Variants in GPHN observed in about 807,000 individuals in gnomAD.
GPHN encodes gephyrin.
In GPHN, 17 loss-of-function variants were observed where a neutral mutation model predicts 95.5. That is an observed-to-expected ratio of 0.18 (90% CI 0.12 to 0.27). The LOEUF (loss-of-function observed/expected upper bound fraction) is 0.27. Ranked by LOEUF, GPHN falls within the 10% of genes least tolerant of loss-of-function variation. The pLI, the probability that GPHN is intolerant of heterozygous loss-of-function variation, is 1.00. For synonymous variants in GPHN, 320 were observed against 322.5 expected, an observed-to-expected ratio of 0.99 and a Z score of 0.08; for missense variants, 660 against 978.1, an observed-to-expected ratio of 0.67 and a Z score of 4.34.
the GPHN span, among the ~76,000 whole-genome samples, chr14:67,264,244 G>T: frequency 6.6e-6 from 1 of 152,124 alleles, no homozygotes; most frequent in African/African-American, 2.4e-5. Context: ...GATGACAGTG[G>T]TATTTAAATT....
the GPHN span, among the ~76,000 whole-genome samples, chr14:67,625,729 GA>G: frequency 4.6e-5 from 5 of 109,196 alleles, no homozygotes; most frequent in African/African-American, 2.0e-4. Context: ...TCAATGTAAT[GA>G]AAAACCAAAA....
chr14:67,338,858 T>C, the GPHN span: 7 of 1,082,036 alleles, frequency 6.5e-6, no homozygotes, highest in African/African-American at 9.6e-5. Flanking sequence ...AATAAACACA[T>C]ACCTAGAAAA....
the GPHN span, among the ~76,000 whole-genome samples, chr14:67,600,576 G>A: frequency 1.5e-4 from 23 of 152,306 alleles, no homozygotes; most frequent in African/African-American, 5.5e-4. Context: ...TCTAGCCTGT[G>A]CGAGAGAGCA....
At chr14:66,745,001 G>A (rs1227791353) in intron 2 of GPHN, among the ~76,000 whole-genome samples, 1 of 152,058 alleles carries the variant, frequency 6.6e-6, no homozygotes, top group African/African-American at 2.4e-5. Flanking sequence ...ACTTTAGTTA[G>A]AAGGCCATTT....
intron 11 of GPHN, among the ~76,000 whole-genome samples, chr14:67,078,016 C>A (rs977026255): frequency 1.3e-5 from 2 of 152,144 alleles, no homozygotes; most frequent in African/African-American, 2.4e-5. Flanking sequence ...TCTTCATCTT[C>A]ATCAAATTGA....
intron 11 of GPHN, among the ~76,000 whole-genome samples, chr14:67,083,234 C>A (rs531311522): frequency 5.5e-4 from 84 of 151,978 alleles, no homozygotes; most frequent in South Asian, 1.2e-3. Flanking sequence ...TCTATGCCCC[C>A]CCCCCTCCAA....
intron 5 of GPHN, among the ~76,000 whole-genome samples, chr14:66,911,941 C>A (rs954492711): frequency 1.1e-4 from 17 of 152,052 alleles, no homozygotes; most frequent in African/African-American, 4.1e-4. Context: ...TCACCTGTTA[C>A]ATTTTTCGAC....
intron 5 of GPHN, among the ~76,000 whole-genome samples, chr14:66,889,388 A>C (rs2064357208): frequency 6.6e-6 from 1 of 152,196 alleles, no homozygotes; most frequent in Non-Finnish European, 1.5e-5. Context: ...ATGCCATAAA[A>C]AGTATATTGC....
At chr14:67,546,174 A>G in the GPHN span, among the ~76,000 whole-genome samples, 3,010 of 152,312 alleles carry the variant, frequency 0.02, 122 homozygotes, top group East Asian at 0.14. Flanking sequence ...ATATAAAAAC[A>G]ACCAAGTGTA....
At chr14:67,185,881 T>A (rs1301842000), downstream of GPHN, among the ~76,000 whole-genome samples, 1 of 152,208 alleles carries the variant, frequency 6.6e-6, no homozygotes, top group Non-Finnish European at 1.5e-5. Context: ...AGGGGTTATG[T>A]AAGTACAGAA....
chr14:67,562,069 G>A, the GPHN span: 13 of 1,608,634 alleles, frequency 8.1e-6, no homozygotes, highest in African/African-American at 2.7e-5. Flanking sequence ...TGTGCAGTAC[G>A]TGTGTTTGGT....
At chr14:66,603,771 T>A (rs557442348) in intron 1 of GPHN, among the ~76,000 whole-genome samples, 173 of 152,126 alleles carry the variant, frequency 1.1e-3, no homozygotes, top group African/African-American at 3.8e-3. Context: ...ATTTTTAATT[T>A]TTTATTCTAT....
chr14:66,687,824 G>A (rs1259521714), intron 2 of GPHN, among the ~76,000 whole-genome samples: 2 of 152,120 alleles, frequency 1.3e-5, no homozygotes, highest in East Asian at 3.9e-4. Flanking sequence ...CATAGGATGT[G>A]TTTCCATTTG....
the GPHN span, among the ~76,000 whole-genome samples, chr14:67,428,399 C>T: frequency 2.0e-5 from 3 of 152,278 alleles, no homozygotes; most frequent in South Asian, 6.2e-4. Context: ...ACAGCTAACA[C>T]TTAGAGCACT....
the GPHN span, among the ~76,000 whole-genome samples, chr14:67,708,851 G>A: frequency 2.0e-5 from 3 of 147,600 alleles, no homozygotes; most frequent in Non-Finnish European, 4.4e-5. Context: ...GGAGTGCAGT[G>A]GTGCAATCTT....
chr14:66,591,047 G>A (rs564456537), intron 1 of GPHN, among the ~76,000 whole-genome samples: 344 of 152,248 alleles, frequency 2.3e-3, no homozygotes, highest in African/African-American at 7.8e-3. Context: ...CCGAAGCAAC[G>A]ATGAAAACCA....
chr14:66,861,342 A>G (rs2153521386), intron 4 of GPHN, among the ~76,000 whole-genome samples: 1 of 152,206 alleles, frequency 6.6e-6, no homozygotes, highest in East Asian at 1.9e-4. Context: ...ATACAGATAT[A>G]TAAAGAAAAT....
At chr14:67,574,204 C>T in the GPHN span, 1 of 1,533,082 alleles carries the variant, frequency 6.5e-7, no homozygotes, top group Non-Finnish European at 8.8e-7. The surrounding 1 kb of genome is among the most constrained non-coding windows in gnomAD (Gnocchi z 4.2). Flanking sequence ...TCCATTCTCC[C>T]AGCGTGCTGC....
At chr14:67,585,734 C>G in the GPHN span, 2 of 1,195,036 alleles carry the variant, frequency 1.7e-6, no homozygotes, top group South Asian at 2.7e-5. Flanking sequence ...GACTCAAAAG[C>G]CTGAACCAAG....
Sources: allele counts gnomAD v4.1 joint callset (sites outside exome capture counted in the v4.1 genomes callset), GRCh38; gene constraint gnomAD v4.1.1; non-coding constraint Gnocchi (gnomAD v3.1); transcripts MANE v1.5; gene names NCBI Gene and HGNC (gene_info 2026-07-23, HGNC 2026-07-21).